Variants in ARFGEF3 observed in about 807,000 individuals in gnomAD.
The protein encoded by ARFGEF3 is ARFGEF family member 3.
A neutral mutation model predicts 221.7 loss-of-function variants in ARFGEF3; 96 were observed. The ratio of observed to expected loss-of-function variants is 0.43; its 90% CI spans 0.37 to 0.51. The LOEUF (loss-of-function observed/expected upper bound fraction) is 0.51. ARFGEF3 is among the 20% of genes least tolerant of loss of function. ARFGEF3 has a pLI of 0.00. For missense variants in ARFGEF3, 2,410 were observed against 2,789.9 expected, an observed-to-expected ratio of 0.86 and a Z score of 3.07; for synonymous variants, 1,145 against 1,126.8, an observed-to-expected ratio of 1.02 and a Z score of -0.32.
chr6:138,188,983 T>C (rs1199458281), intron 2 of ARFGEF3, among the ~76,000 whole-genome samples: 1 of 152,230 alleles, frequency 6.6e-6, no homozygotes, highest in African/African-American at 2.4e-5. Context: ...GAGAAGTTGC[T>C]GTTTATGGGA....
intron 10 of ARFGEF3, 119 bp from the exon 11 acceptor site, chr6:138,261,408 C>T (rs1432828240): frequency 1.9e-6 from 1 of 535,672 alleles, no homozygotes; most frequent in African/African-American, 1.9e-5. Context: ...AATTCTGTTT[C>T]TCCTTATACT....
chr6:138,289,725 C>T (rs1779364355), intron 17 of ARFGEF3, 93 bp from the exon 18 acceptor site: 5 of 1,365,498 alleles, frequency 3.7e-6, no homozygotes, highest in Non-Finnish European at 5.1e-6. Flanking sequence ...TGTCCTTTCC[C>T]TTTTGCCCTT....
In ARFGEF3 at chr6:138,291,766, C is replaced by T. The variant is rs553735401; in HGVS notation, c.3081C>T (p.Asn1027=). 1 of 1,444,680 alleles carries T rather than the reference C, an allele frequency of 6.9e-7. No homozygotes were observed. Among genetic ancestry groups the T allele is most frequent in the African/African-American group, 1.5e-5 (1 of 67,782 alleles). 89.5% of individuals were successfully genotyped at this position (1,444,680 alleles called of 1,614,324 possible). The stretch of plus-strand genomic sequence containing the variant: ...AATACGTGGGCACCCTGGAGCACAA[C>T]CACTTCAGCGATGGTGCCTCGCAGC... ...VCEYVGTLEH[N]HFSDGASQPP... Residue 1027 remains asparagine (N), a synonymous_variant, in exon 19 of 34, where the codon AAC becomes AAT. Coordinates refer to ENST00000251691, the MANE Select transcript of ARFGEF3 (RefSeq NM_020340.5). This position sits in a 1 kb window ranked among gnomAD's most constrained non-coding sequence, Gnocchi z 4.5.
At chr6:138,255,044 C>T (rs1778649556) in intron 9 of ARFGEF3, among the ~76,000 whole-genome samples, 1 of 152,126 alleles carries the variant, frequency 6.6e-6, no homozygotes, top group Non-Finnish European at 1.5e-5. Context: ...TGTTCTGGGT[C>T]CCTGGGCTTA....
intron 8 of ARFGEF3, among the ~76,000 whole-genome samples, chr6:138,246,086 C>CT (rs767691605): frequency 6.6e-6 from 1 of 152,114 alleles, no homozygotes; most frequent in Non-Finnish European, 1.5e-5. Flanking sequence ...TACTCTTTTA[C>CT]TTTTTTTTGT....
chr6:138,255,613 A>G lies in ARFGEF3; in HGVS notation c.948A>G (p.Gly316=), dbSNP rs144437178. Residue 316 remains glycine, a synonymous_variant, in exon 10 of 34, where the codon GGA becomes GGG. Transcript: ENST00000251691. ...CCTGCACTGCGCCGGCCCTGAGCGG[A>G]CCTGTGGCTCGGACTATCTATTACA... ...GCSCTAPALS[G]PVARTIYYIA... is the part of the protein sequence containing the mutation. 1.4e-3 allele frequency: 2,315 copies of G among 1,613,626 alleles called. 1 individual carries two copies. Among genetic ancestry groups the G allele is most frequent in the Non-Finnish European group, 1.9e-3 (2,213 of 1,179,828 alleles).
At chr6:138,236,110 A>G (rs1339755105) in intron 5 of ARFGEF3, among the ~76,000 whole-genome samples, 1 of 152,210 alleles carries the variant, frequency 6.6e-6, no homozygotes, top group South Asian at 2.1e-4. Flanking sequence ...ACTTTCTTTC[A>G]TGAGTCTAAA....
At position 138,287,124 on chromosome 6, in the gene ARFGEF3, T is replaced by C. The variant is rs867939099; in HGVS notation, c.2836T>C (p.Cys946Arg). 1.9e-6 allele frequency: 3 copies of C among 1,577,250 alleles called. No individual in the cohort carries two copies. In the African/African-American group the frequency reaches 4.0e-5, roughly 21 times the overall value. The change falls in exon 17 of 34, where the codon TGT becomes CGT. Residue 946 changes from cysteine (C) to arginine (R), a missense_variant. Cys to Arg is a radical substitution (Grantham distance 180). This residue lies in a region of ARFGEF3 where 594 missense variants were observed against 734.3 expected (regional missense o/e 0.81). Transcript: ENST00000251691. ...CCTTGCCCAGATGGCAGCTGCCTCC[T>C]GTGTCCAAGAAGAAAAAGAAGAGAG... Reference protein sequence around the residue: ...SALAQMAAASCVQEEKEEREA... With the variant: ...SALAQMAAASRVQEEKEEREA...
intron 4 of ARFGEF3, among the ~76,000 whole-genome samples, chr6:138,210,652 A>C (rs1389092905): frequency 6.6e-6 from 1 of 152,076 alleles, no homozygotes; most frequent in Non-Finnish European, 1.5e-5. Context: ...GTGAATGGTG[A>C]GTTGGGCAGA....
chr6:138,296,946 C>T lies in ARFGEF3; in HGVS notation c.3639C>T (p.His1213=), dbSNP rs1229532757. 1 of 1,612,514 alleles carries T rather than the reference C, an allele frequency of 6.2e-7. No individual in the cohort carries two copies. The highest frequency in any genetic ancestry group is 2.2e-5 in the East Asian group (1 of 44,870). Reference sequence around the variant, plus strand: ...GCTGCTGGAGCCTTGTGGCCCCACACCTGGTGGAGGTGAGCACTGGGAAGG... The same window carrying T: ...GCTGCTGGAGCCTTGTGGCCCCACATCTGGTGGAGGTGAGCACTGGGAAGG... The part of the protein sequence containing the change: ...VMRCWSLVAP[H]LVEAACHKER... Residue 1213 remains histidine, a synonymous_variant, in exon 21 of 34, where the codon CAC becomes CAT. Transcript: ENST00000251691.
In ARFGEF3 at chr6:138,286,771, G is replaced by A. The variant is rs190750852; in HGVS notation, c.2640G>A (p.Leu880=). Residue 880 remains leucine, a synonymous_variant, in exon 16 of 34, where the codon CTG becomes CTA. Transcript: ENST00000251691. Reference sequence around the variant, plus strand: ...TGATCGATACTTTATCAACCCCACTGACTGGTCGAATGGCGGGGAGCTCCA... The same window carrying A: ...TGATCGATACTTTATCAACCCCACTAACTGGTCGAATGGCGGGGAGCTCCA... ...KNLIDTLSTP[L]TGRMAGSSKG... 2.5e-6 allele frequency: 4 copies of A among 1,614,050 alleles called. No homozygotes were observed. The highest frequency in any genetic ancestry group is 3.4e-6 in the Non-Finnish European group (4 of 1,179,890).
chr6:138,176,778 C>T (rs886695981), intron 2 of ARFGEF3, among the ~76,000 whole-genome samples: 1 of 152,058 alleles, frequency 6.6e-6, no homozygotes, highest in African/African-American at 2.4e-5. Context: ...CTCCTTTGAG[C>T]ATTGCTGGTA....
Position 138,278,584 on chromosome 6 carries a change from C to T in ARFGEF3, c.2262C>T (p.Tyr754=), listed in dbSNP as rs1440092039. The T allele has an allele frequency of 3.1e-6, 5 of 1,613,978 alleles. No individual in the cohort carries two copies. The highest frequency in any genetic ancestry group is 4.5e-5 in the East Asian group (2 of 44,880). The change falls in exon 13 of 34, where the codon TAC becomes TAT. Residue 754 remains tyrosine, a synonymous_variant. Transcript: ENST00000251691. ...TGAAGCTCTCCCACGGTGACTACTA[C>T]AGGAAGCGGCCGACCCTGGCGCCAG... The part of the protein sequence containing the change: ...LNLKLSHGDY[Y]RKRPTLAPGV...
At position 138,204,378 on chromosome 6, in the gene ARFGEF3, T is replaced by C. The variant is rs1472911234; in HGVS notation, c.138-2664T>C. Among the ~76,000 whole-genome samples the C allele has an allele frequency of 6.1e-5, 9 of 147,422 alleles. No homozygotes were observed. The East Asian group carries it at 1.9e-3, about 31-fold the overall frequency. On this transcript the variant is annotated intron_variant, in intron 2 of 33. Transcript: ENST00000251691. ...AAAAAAAAAAAAGATTTGATTTGCC[T>C]ATCCCATGCTGAAGATCATGATCTG... is the stretch of plus-strand genomic sequence containing the variant.
intron 6 of ARFGEF3, 97 bp downstream of exon 6, chr6:138,238,728 A>G: frequency 2.6e-6 from 3 of 1,138,676 alleles, no homozygotes; most frequent in Admixed American, 1.9e-5. Flanking sequence ...TGCCTCCTGA[A>G]AACAGTAGGA....
chr6:138,177,852 A>G (rs1354056879), intron 2 of ARFGEF3, among the ~76,000 whole-genome samples: 3 of 152,046 alleles, frequency 2.0e-5, no homozygotes, highest in Admixed American at 2.0e-4. Flanking sequence ...TTTTTCATTC[A>G]TATCATGAAT....
At chr6:138,328,566 T>C (rs1780166436) in intron 32 of ARFGEF3, among the ~76,000 whole-genome samples, 1 of 152,170 alleles carries the variant, frequency 6.6e-6, no homozygotes, top group African/African-American at 2.4e-5. Context: ...AAACTAACCC[T>C]CACGACCTCA....
intron 4 of ARFGEF3, among the ~76,000 whole-genome samples, chr6:138,215,061 T>G (rs539331213): frequency 6.6e-6 from 1 of 152,376 alleles, no homozygotes; most frequent in South Asian, 2.1e-4. Context: ...AATACTTGTC[T>G]GCTTTGGCAA....
chr6:138,166,265 T>C (rs893698826), intron 1 of ARFGEF3, among the ~76,000 whole-genome samples: 5 of 152,356 alleles, frequency 3.3e-5, no homozygotes, highest in Admixed American at 1.3e-4. Flanking sequence ...ATAAGAGTTA[T>C]ATATGTTCAC....
Sources: gnomAD v4.1 joint callset for allele counts (sites outside exome capture counted in the v4.1 genomes callset) on GRCh38, gnomAD v4.1.1 for gene constraint, gnomAD v4.1.1 regional missense constraint, Gnocchi (gnomAD v3.1) non-coding constraint, MANE v1.5 for transcripts, NCBI Gene and HGNC (gene_info 2026-07-23, HGNC 2026-07-21) for gene names.